CTNNA3: variants seen among roughly 807,000 people sequenced by gnomAD.
CTNNA3 encodes the protein catenin alpha 3.
CTNNA3 carries 76 observed loss-of-function variants against 95.7 expected under a neutral mutation model. The observed-to-expected ratio is 0.79, with a 90% CI of 0.66 to 0.96. The LOEUF (loss-of-function observed/expected upper bound fraction) is 0.96. Among genes scored for constraint, CTNNA3 ranks in the 40% least tolerant of loss-of-function variants. The probability of loss-of-function intolerance (pLI) is 0.00; values close to 1 mark genes in which losing one functional copy is unlikely to be tolerated. For synonymous variants in CTNNA3, 431 were observed against 374.4 expected (o/e 1.15, Z -1.74); for missense variants, 1,191 against 1,089.8 (o/e 1.09, Z -1.31).
At chr10:66,365,509 C>A (rs1303276520) in intron 12 of CTNNA3, among the ~76,000 whole-genome samples, 1 of 152,086 alleles carries the variant, frequency 6.6e-6, no homozygotes, top group East Asian at 1.9e-4. Flanking sequence ...AAGTTCTGCA[C>A]ATGTAACCCA....
At chr10:66,671,527 T>G (rs982219195) in intron 9 of CTNNA3, among the ~76,000 whole-genome samples, 1 of 152,224 alleles carries the variant, frequency 6.6e-6, no homozygotes, top group Non-Finnish European at 1.5e-5. Context: ...TTTGAAAGAA[T>G]GAAAATGGCC....
At chr10:66,409,493 A>G (rs974426107) in intron 11 of CTNNA3, among the ~76,000 whole-genome samples, 3 of 152,196 alleles carry the variant, frequency 2.0e-5, no homozygotes, top group Admixed American at 6.5e-5. Context: ...AGGAGAGATA[A>G]TATAATCATA....
chr10:67,295,099 T>C (rs1839983488), intron 5 of CTNNA3, among the ~76,000 whole-genome samples: 1 of 152,224 alleles, frequency 6.6e-6, no homozygotes, highest in Non-Finnish European at 1.5e-5. Flanking sequence ...TAGAATGGAA[T>C]TTCTGTATTT....
chr10:66,014,180 G>A (rs1269974791), intron 15 of CTNNA3, among the ~76,000 whole-genome samples: 1 of 151,918 alleles, frequency 6.6e-6, no homozygotes, highest in Admixed American at 6.6e-5. Flanking sequence ...AAAGTCCTAC[G>A]CTACATACAA....
chr10:67,619,560 C>T (rs563733424), intron 2 of CTNNA3, among the ~76,000 whole-genome samples: 6 of 152,284 alleles, frequency 3.9e-5, no homozygotes, highest in African/African-American at 1.4e-4. Flanking sequence ...ATCCTTTTGG[C>T]TCTCATTTAG....
chr10:66,684,517 T>C (rs1055414957), intron 9 of CTNNA3, among the ~76,000 whole-genome samples: 1 of 152,190 alleles, frequency 6.6e-6, no homozygotes, highest in Non-Finnish European at 1.5e-5. Flanking sequence ...ATAAGATTCA[T>C]TTCTATAATA....
chr10:66,270,381 T>G (rs529134279), intron 13 of CTNNA3, among the ~76,000 whole-genome samples: 1 of 152,044 alleles, frequency 6.6e-6, no homozygotes, highest in South Asian at 2.1e-4. Flanking sequence ...ATTTTTCTGT[T>G]TTTTACAGAG....
intron 5 of CTNNA3, among the ~76,000 whole-genome samples, chr10:67,253,259 T>C (rs946906744): frequency 6.6e-5 from 10 of 152,160 alleles, no homozygotes; most frequent in Admixed American, 2.6e-4. Flanking sequence ...GAAAAGATCA[T>C]TCACATCTCA....
intron 5 of CTNNA3, among the ~76,000 whole-genome samples, chr10:67,280,219 C>T (rs1190710513): frequency 6.7e-6 from 1 of 150,284 alleles, no homozygotes; most frequent in Non-Finnish European, 1.5e-5. Context: ...CCAAAAGGCA[C>T]AGAATTGTCT....
rs2133096853 is a variant in CTNNA3 at position 65,917,474 on chromosome 10, T to A, written c.*2856A>T. The A allele has an allele frequency of 7.7e-6, 1 of 129,624 alleles. No homozygotes were observed. The highest frequency in any genetic ancestry group is 2.3e-4 in the East Asian group (1 of 4,400). 8.0% of individuals were successfully genotyped at this position (129,624 alleles called of 1,614,324 possible). A position where few individuals can be genotyped will look rare whatever the true frequency, so the allele number is the denominator to read the frequency against. On this transcript the variant is annotated 3_prime_UTR_variant, in exon 18 of 18. Transcript: ENST00000433211. Reference sequence around the variant, plus strand: ...GATTATTATTTCGTTTTTTTTTAAATTTTCATTCTAATTCCAGTCTAACAT... The same window carrying A: ...GATTATTATTTCGTTTTTTTTTAAAATTTCATTCTAATTCCAGTCTAACAT...
chr10:67,185,841 G>A (rs1862816172), intron 6 of CTNNA3, among the ~76,000 whole-genome samples: 1 of 151,974 alleles, frequency 6.6e-6, no homozygotes, highest in Non-Finnish European at 1.5e-5. Context: ...CCAACATGGT[G>A]AAACACTGTC....
chr10:66,128,631 C>G (rs375444761), intron 13 of CTNNA3, among the ~76,000 whole-genome samples: 47 of 152,076 alleles, frequency 3.1e-4, no homozygotes, highest in Non-Finnish European at 3.7e-4. Context: ...TCAACAGTTG[C>G]CAGGGCTTAG....
chr10:66,492,526 C>A (rs569283759), intron 11 of CTNNA3, among the ~76,000 whole-genome samples: 20 of 151,568 alleles, frequency 1.3e-4, no homozygotes, highest in African/African-American at 4.4e-4. Context: ...TGTTCATGCT[C>A]ATAAATGATT....
chr10:67,227,048 T>G (rs1864953365), intron 5 of CTNNA3, among the ~76,000 whole-genome samples: 2 of 151,904 alleles, frequency 1.3e-5, no homozygotes, highest in Admixed American at 1.3e-4. Context: ...AAAAAGGTAT[T>G]TCATGCAAAT....
intron 1 of CTNNA3, among the ~76,000 whole-genome samples, chr10:67,714,577 G>T: frequency 6.6e-6 from 1 of 152,242 alleles, no homozygotes. Flanking sequence ...CCTTATCTCA[G>T]ATGAGACTTT....
At chr10:67,308,134 C>T (rs186586810) in intron 5 of CTNNA3, among the ~76,000 whole-genome samples, 1 of 152,166 alleles carries the variant, frequency 6.6e-6, no homozygotes, top group Admixed American at 6.5e-5. Context: ...AATTATCATT[C>T]CTTCCCCTCT....
chr10:67,300,715 C>T (rs1012595786), intron 5 of CTNNA3, among the ~76,000 whole-genome samples: 1 of 152,194 alleles, frequency 6.6e-6, no homozygotes, highest in African/African-American at 2.4e-5. Flanking sequence ...ACACCAATGT[C>T]AACAATTTAG....
chr10:67,594,141 G>A (rs576608207), intron 3 of CTNNA3, among the ~76,000 whole-genome samples: 4 of 152,268 alleles, frequency 2.6e-5, no homozygotes, highest in African/African-American at 9.6e-5. Flanking sequence ...TTGATGTGCT[G>A]CTGGATTCAG....
intron 13 of CTNNA3, among the ~76,000 whole-genome samples, chr10:66,129,838 C>A (rs1056719630): frequency 6.6e-6 from 1 of 152,034 alleles, no homozygotes; most frequent in Non-Finnish European, 1.5e-5. Flanking sequence ...CATAGGCACC[C>A]CCCCACATCA....
Sources: allele counts gnomAD v4.1 joint callset (sites outside exome capture counted in the v4.1 genomes callset), GRCh38; gene constraint gnomAD v4.1.1; transcripts MANE v1.5; gene names NCBI Gene and HGNC (gene_info 2026-07-23, HGNC 2026-07-21).